RASA1: variants seen among roughly 807,000 people sequenced by gnomAD.
RASA1 encodes the protein ras GTPase-activating protein 1.
A neutral mutation model predicts 132.2 loss-of-function variants in RASA1; 25 were observed. That is an observed-to-expected ratio of 0.19 (90% CI 0.14 to 0.26). RASA1 has a LOEUF of 0.26. Ranked by LOEUF, RASA1 falls within the 10% of genes least tolerant of loss-of-function variation. The pLI is 1.00. For synonymous variants in RASA1, 477 were observed against 449.9 expected (o/e 1.06, Z -0.76); for missense variants, 964 against 1,299.2 (o/e 0.74, Z 3.97).
At chr5:87,333,559 T>C (rs1757748136) in intron 4 of RASA1, among the ~76,000 whole-genome samples, 1 of 152,118 alleles carries the variant, frequency 6.6e-6, no homozygotes, top group African/African-American at 2.4e-5. Context: ...ATAGGAGAAA[T>C]AGTTAGGTTT....
At chr5:87,374,747 G>A (rs11950962) in intron 14 of RASA1, 93 bp from the exon 15 acceptor site, 1 of 1,526,412 alleles carries the variant, frequency 6.6e-7, no homozygotes, top group African/African-American at 1.4e-5. Context: ...TTTTAAAGCA[G>A]AAATAGGGGG....
chr5:87,279,582 C>A (rs1754222508), intron 1 of RASA1, among the ~76,000 whole-genome samples: 1 of 152,062 alleles, frequency 6.6e-6, no homozygotes, highest in South Asian at 2.1e-4. Context: ...AAATTGCCAG[C>A]ATTTTCTATA....
rs752936991 is a variant in RASA1 at position 87,349,326 on chromosome 5, A to G, written c.1215A>G (p.Pro405=). Residue 405 remains proline (P), a synonymous_variant, in exon 8 of 25, where the codon CCA becomes CCG. Transcript: ENST00000274376. ...AGCGATTTAAAATATGTCCAACGCC[A>G]AACAATCAGTTTATGATGGGAGGCC... ...NIQRFKICPT[P]NNQFMMGGRY... 7 of 1,612,080 alleles carry G rather than the reference A, an allele frequency of 4.3e-6. No homozygotes were observed. Among genetic ancestry groups the G allele is most frequent in the Non-Finnish European group, 5.9e-6 (7 of 1,178,698 alleles).
chr5:87,355,843 G>T (rs1759610056), intron 9 of RASA1, among the ~76,000 whole-genome samples: 1 of 152,150 alleles, frequency 6.6e-6, no homozygotes, highest in Non-Finnish European at 1.5e-5. Flanking sequence ...AACTCTTTTG[G>T]ATAACTTTGA....
intron 9 of RASA1, among the ~76,000 whole-genome samples, chr5:87,360,652 A>G (rs1295279238): frequency 6.6e-6 from 1 of 152,204 alleles, no homozygotes; most frequent in Non-Finnish European, 1.5e-5. Context: ...ATTTTGATGT[A>G]CATACAAAAA....
chr5:87,278,731 T>G (rs73156315), intron 1 of RASA1, among the ~76,000 whole-genome samples: 10,589 of 151,958 alleles, frequency 0.07, 828 homozygotes, highest in African/African-American at 0.19. Context: ...TGCATGTATG[T>G]GTGTGTGATA....
At chr5:87,362,498 C>G (rs2112456005) in intron 9 of RASA1, 53 bp from the exon 10 acceptor site, 2 of 1,532,030 alleles carry the variant, frequency 1.3e-6, no homozygotes, top group African/African-American at 1.4e-5. Flanking sequence ...TAGATTTTTA[C>G]TTCATTTCCA....
chr5:87,371,296 G>A (rs1414265741), intron 12 of RASA1, among the ~76,000 whole-genome samples: 1 of 151,846 alleles, frequency 6.6e-6, no homozygotes, highest in Non-Finnish European at 1.5e-5. Context: ...AAAAAGCTAT[G>A]GTAACTGATT....
chr5:87,369,799 T>C lies in RASA1; in HGVS notation c.1611-14T>C, dbSNP rs2112474644. ...TTATTAAGCTTCCTAATAATTTTTG[T>C]TTTTATTTTAAAGGCCAAACTGTTT... On this transcript the variant is annotated splice_polypyrimidine_tract_variant and intron_variant, in intron 11 of 24. Coordinates refer to ENST00000274376, the MANE Select transcript of RASA1 (RefSeq NM_002890.3). 1 of 1,598,062 alleles carries C rather than the reference T, an allele frequency of 6.3e-7. No homozygotes were observed. Among genetic ancestry groups the C allele is most frequent in the South Asian group, 1.1e-5 (1 of 90,188 alleles).
intron 1 of RASA1, among the ~76,000 whole-genome samples, chr5:87,305,326 G>C (rs1755559742): frequency 6.6e-6 from 1 of 152,074 alleles, no homozygotes; most frequent in Non-Finnish European, 1.5e-5. Context: ...ACGGAATAGA[G>C]AACCTGGAAA....
At position 87,332,491 on chromosome 5, in the gene RASA1, T is replaced by G. The variant is rs1232872709; in HGVS notation, c.693-16T>G. On this transcript the variant is annotated splice_polypyrimidine_tract_variant and intron_variant, in intron 2 of 24. Transcript: ENST00000274376. Reference sequence around the variant, plus strand: ...GTAAAGATTTTTTTATACTGTATTTTTTCCTGTTCAAATAGGATTATTGCT... The same window carrying G: ...GTAAAGATTTTTTTATACTGTATTTGTTCCTGTTCAAATAGGATTATTGCT... The G allele has an allele frequency of 6.2e-7, 1 of 1,600,166 alleles. No individual in the cohort carries two copies. The highest frequency in any genetic ancestry group is 8.6e-7 in the Non-Finnish European group (1 of 1,169,090).
At chr5:87,383,658 C>T (rs566119014) in intron 20 of RASA1, 55 bp from the exon 21 acceptor site, 10 of 1,294,154 alleles carry the variant, frequency 7.7e-6, no homozygotes, top group Non-Finnish European at 9.7e-6. Context: ...TTTAATGTAA[C>T]ACATTATATA....
rs535183140 is a variant in RASA1, at chr5:87,312,714, T to A, written c.540-18634T>A. Among the ~76,000 whole-genome samples, 15 of 152,332 alleles carry A rather than the reference T, an allele frequency of 9.8e-5. No individual in the cohort carries two copies. The South Asian group carries it at 2.3e-3, about 23-fold the overall frequency. On this transcript the variant is annotated intron_variant, in intron 1 of 24. Coordinates refer to ENST00000274376, the MANE Select transcript of RASA1 (RefSeq NM_002890.3). ...GGGATGTGAATGCTACCATGAATCT[T>A]CATTTCCATCTCTTCATCTGTTTGG...
chr5:87,275,181 C>T (rs1754010835), intron 1 of RASA1, among the ~76,000 whole-genome samples: 1 of 152,066 alleles, frequency 6.6e-6, no homozygotes, highest in Non-Finnish European at 1.5e-5. Context: ...ACTTAAATAC[C>T]CAGAAAAGTA....
chr5:87,369,876 A>G lies in RASA1; in HGVS notation c.1674A>G (p.Ala558=). 1 of 1,611,128 alleles carries G rather than the reference A, an allele frequency of 6.2e-7. No homozygotes were observed. The highest frequency in any genetic ancestry group is 8.5e-7 in the Non-Finnish European group (1 of 1,177,768). ...FSEEHYIFYF[A]GETPEQAEDW... is the part of the protein sequence containing the mutation. ...AAGAACATTACATCTTTTACTTTGC[A>G]GGAGAAACTCCAGAACAAGCAGAGG... The change falls in exon 12 of 25, where the codon GCA becomes GCG. Residue 558 remains alanine (A), a synonymous_variant. Transcript: ENST00000274376.
At chr5:87,291,200 G>A (rs891767654) in intron 1 of RASA1, among the ~76,000 whole-genome samples, 1 of 152,100 alleles carries the variant, frequency 6.6e-6, no homozygotes, top group African/African-American at 2.4e-5. Flanking sequence ...AATCACATAT[G>A]ATGATATATA....
chr5:87,342,466 G>A (rs1337709638), intron 6 of RASA1, among the ~76,000 whole-genome samples: 1 of 152,122 alleles, frequency 6.6e-6, no homozygotes, highest in Non-Finnish European at 1.5e-5. Context: ...GCTAGGAGTT[G>A]CAAATTCTAA....
rs1329514288 is a variant in RASA1 at position 87,376,905 on chromosome 5, G to A, written c.2209G>A (p.Val737Ile). The A allele has an allele frequency of 1.6e-5, 25 of 1,609,228 alleles. No individual in the cohort carries two copies. Among genetic ancestry groups the A allele is most frequent in the Non-Finnish European group, 2.1e-5 (25 of 1,175,598 alleles). ...GCTTATACTGCAAAAGGAACTTCAT[G>A]TAGTCTATGCTTTATCACATGTATG... is the stretch of plus-strand genomic sequence containing the variant. ...KELILQKELH[V>I]VYALSHVCGQ... Residue 737 changes from valine to isoleucine, a missense_variant, in exon 17 of 25, where the codon GTA becomes ATA. By Grantham distance (29) the Val-to-Ile change is conservative. This residue lies in a region of RASA1 where 346 missense variants were observed against 520.1 expected (regional missense o/e 0.67). Transcript: ENST00000274376.
At chr5:87,315,095 A>G (rs1756223412) in intron 1 of RASA1, among the ~76,000 whole-genome samples, 1 of 152,248 alleles carries the variant, frequency 6.6e-6, no homozygotes, top group Non-Finnish European at 1.5e-5. Flanking sequence ...TGATTGTCAT[A>G]TTCACTATGT....
Sources: gnomAD v4.1 joint callset for allele counts (sites outside exome capture counted in the v4.1 genomes callset) on GRCh38, gnomAD v4.1.1 for gene constraint, gnomAD v4.1.1 regional missense constraint, MANE v1.5 for transcripts, NCBI Gene and HGNC (gene_info 2026-07-23, HGNC 2026-07-21) for gene names.